MAPK8IP3: variants seen among roughly 807,000 people sequenced by gnomAD.
MAPK8IP3 encodes C-Jun-amino-terminal kinase-interacting protein 3.
A neutral mutation model predicts 157.8 loss-of-function variants in MAPK8IP3; 49 were observed. The observed-to-expected ratio is 0.31, with a 90% CI of 0.25 to 0.39. MAPK8IP3 has a LOEUF of 0.39. Among genes scored for constraint, MAPK8IP3 ranks in the 10% least tolerant of loss-of-function variants. The pLI, the probability that MAPK8IP3 is intolerant of heterozygous loss-of-function variation, is 1.00. For missense variants in MAPK8IP3, 1,478 were observed against 1,889.4 expected, an observed-to-expected ratio of 0.78 and a Z score of 4.04; for synonymous variants, 897 against 777.7, an observed-to-expected ratio of 1.15 and a Z score of -2.55.
In MAPK8IP3 at chr16:1,763,679, C is replaced by G; in HGVS notation, c.1921C>G (p.Arg641Gly). ...CAGCGACTGCACGTCCTCCGCCCGT[C>G]GAGAGCAGAAGCGCGAGCAGTACCG... ...PDDDCTSSAR[R>G]EQKREQYRQV... is the part of the protein sequence containing the mutation. Residue 641 changes from arginine (R) to glycine (G), a missense_variant, in exon 17 of 32, where the codon CGA (arginine) becomes GGA (glycine). Physicochemically the swap from Arg to Gly is moderately radical, Grantham distance 125. Coordinates refer to ENST00000610761, the MANE Select transcript of MAPK8IP3 (RefSeq NM_001318852.2). The G allele has an allele frequency of 6.3e-7, 1 of 1,586,954 alleles. No individual in the cohort carries two copies. The highest frequency in any genetic ancestry group is 8.6e-7 in the Non-Finnish European group (1 of 1,164,598).
chr16:1,760,744 C>T (rs2041884158), intron 12 of MAPK8IP3, among the ~76,000 whole-genome samples: 1 of 152,240 alleles, frequency 6.6e-6, no homozygotes, highest in African/African-American at 2.4e-5. Context: ...GGGCCTGTCT[C>T]ACGCGTTCCT....
chr16:1,737,939 C>T (rs111163754), intron 4 of MAPK8IP3, among the ~76,000 whole-genome samples: 31 of 33,682 alleles, frequency 9.2e-4, no homozygotes, highest in Middle Eastern at 0.019. Context: ...TGTGAGCATC[C>T]GTGTGACTGT....
At chr16:1,715,503 G>A (rs1030578079) in intron 1 of MAPK8IP3, among the ~76,000 whole-genome samples, 2 of 152,162 alleles carry the variant, frequency 1.3e-5, no homozygotes, top group South Asian at 4.1e-4. Context: ...TGCCAGGCAC[G>A]TGCCCGGCAC....
intron 8 of MAPK8IP3, among the ~76,000 whole-genome samples, chr16:1,753,444 TA>T (rs1349640932): frequency 6.3e-5 from 9 of 142,158 alleles, no homozygotes; most frequent in South Asian, 2.5e-4. Flanking sequence ...TTTATTTATT[TA>T]TTTATTTATT....
chr16:1,725,739 C>A (rs1217802437), intron 2 of MAPK8IP3, among the ~76,000 whole-genome samples: 1 of 151,996 alleles, frequency 6.6e-6, no homozygotes, highest in Non-Finnish European at 1.5e-5. Context: ...CTGTTTTTGC[C>A]CAGGCTGGAG....
At position 1,750,834 on chromosome 16, in the gene MAPK8IP3, T is replaced by C. The variant is rs12933426; in HGVS notation, c.1216+2114T>C. On this transcript the variant is annotated intron_variant, in intron 8 of 31. Coordinates refer to ENST00000610761, the MANE Select transcript of MAPK8IP3 (RefSeq NM_001318852.2). ...GTAATTTTTGTATTTTTAGTAGAGATGGGGTTTCACAGTGTTGGTCAGGCT... is the reference window on the plus strand; with the variant it reads ...GTAATTTTTGTATTTTTAGTAGAGACGGGGTTTCACAGTGTTGGTCAGGCT... Among the ~76,000 whole-genome samples, 194 of 151,946 alleles carry C rather than the reference T, an allele frequency of 1.3e-3. 1 individual carries two copies. Among genetic ancestry groups the C allele is most frequent in the African/African-American group, 4.4e-3 (183 of 41,488 alleles).
At chr16:1,767,466 G>A in intron 26 of MAPK8IP3, 98 bp from the exon 27 acceptor site, 1 of 1,519,884 alleles carries the variant, frequency 6.6e-7, no homozygotes. Context: ...TGGGAGGTCT[G>A]AGGGGACTGC....
rs1346992093 is a variant in MAPK8IP3, at chr16:1,767,742, G to A, written c.3409+7G>A. The A allele has an allele frequency of 3.7e-6, 6 of 1,612,326 alleles. No individual in the cohort carries two copies. The South Asian group carries it at 4.4e-5, about 12-fold the overall frequency. Reference sequence around the variant, plus strand: ...TACGTCAGCAAGATGCTAGGTGAGGGGCCACGCCAGATGGGGTGGTGGGGT... The same window carrying A: ...TACGTCAGCAAGATGCTAGGTGAGGAGCCACGCCAGATGGGGTGGTGGGGT... On this transcript the variant is annotated splice_region_variant and intron_variant, in intron 27 of 31. Coordinates refer to ENST00000610761, the MANE Select transcript of MAPK8IP3 (RefSeq NM_001318852.2).
At chr16:1,732,291 C>T (rs2039367614) in intron 4 of MAPK8IP3, among the ~76,000 whole-genome samples, 1 of 152,204 alleles carries the variant, frequency 6.6e-6, no homozygotes, top group Admixed American at 6.5e-5. Context: ...GCTGCGATGG[C>T]AAAAGCCTCC....
intron 1 of MAPK8IP3, among the ~76,000 whole-genome samples, chr16:1,719,098 C>G (rs1377536399): frequency 2.0e-5 from 3 of 152,172 alleles, no homozygotes; most frequent in Non-Finnish European, 4.4e-5. Context: ...CTCAGCCTCC[C>G]AAGTAGCTGG....
intron 10 of MAPK8IP3, 83 bp downstream of exon 10, chr16:1,759,078 T>C: frequency 6.4e-7 from 1 of 1,573,034 alleles, no homozygotes; most frequent in East Asian, 2.2e-5. Flanking sequence ...TGCTTTGTTC[T>C]GCATGATGGG....
At chr16:1,734,418 G>A (rs1244574366) in intron 4 of MAPK8IP3, among the ~76,000 whole-genome samples, 3 of 152,224 alleles carry the variant, frequency 2.0e-5, no homozygotes, top group Non-Finnish European at 2.9e-5. Context: ...CTCCGGGCTC[G>A]TGTGTCCCCT....
chr16:1,722,586 T>G (rs2038599650), intron 1 of MAPK8IP3, among the ~76,000 whole-genome samples: 1 of 151,982 alleles, frequency 6.6e-6, no homozygotes, highest in East Asian at 1.9e-4. Flanking sequence ...CAGCTGAGGC[T>G]GGGTGCAGTC....
chr16:1,759,900 C>A (rs1015383472), intron 10 of MAPK8IP3, 58 bp from the exon 11 acceptor site: 5 of 1,462,156 alleles, frequency 3.4e-6, no homozygotes, highest in Non-Finnish European at 3.8e-6. Context: ...GCAGGTGCGG[C>A]GGCATCAGTG....
In MAPK8IP3 at chr16:1,764,317, G is replaced by A. The variant is rs752815907; in HGVS notation, c.2138G>A (p.Gly713Asp). Reference protein sequence around the residue: ...DPTMKLWCAAGVNLSGWRPNE... With the variant: ...DPTMKLWCAADVNLSGWRPNE... ...CCCTTGCAGCTGTGGTGTGCCGCGG[G>A]CGTCAACCTGAGCGGGTGGAGGCCC... Residue 713 changes from glycine (G) to aspartate (D), a missense_variant, in exon 19 of 32, where the codon GGC becomes GAC. By Grantham distance (94) the Gly-to-Asp change is moderately conservative. Around this residue, in one of 11 missense-constraint regions of MAPK8IP3, gnomAD observed 669 missense variants for 759.8 expected, o/e 0.88. Transcript: ENST00000610761. The A allele has an allele frequency of 5.7e-6, 9 of 1,576,284 alleles. No individual in the cohort carries two copies. The highest frequency in any genetic ancestry group is 7.7e-6 in the Non-Finnish European group (9 of 1,162,208).
At chr16:1,734,539 T>C (rs2039533698) in intron 4 of MAPK8IP3, among the ~76,000 whole-genome samples, 2 of 152,200 alleles carry the variant, frequency 1.3e-5, no homozygotes, top group African/African-American at 4.8e-5. Context: ...TCTGAAGGCA[T>C]GAGCCAGCTA....
At chr16:1,736,786 G>A in intron 4 of MAPK8IP3, among the ~76,000 whole-genome samples, 1 of 77,686 alleles carries the variant, frequency 1.3e-5, no homozygotes, top group Non-Finnish European at 2.4e-5. Flanking sequence ...GACCATCCGT[G>A]TGTGACCGTC....
Position 1,750,665 on chromosome 16 carries a change from G to A in MAPK8IP3, c.1216+1945G>A, listed in dbSNP as rs758721797. Among the ~76,000 whole-genome samples, 251 of 147,694 alleles carry A rather than the reference G, an allele frequency of 1.7e-3. 4 individuals are homozygous for A. Among genetic ancestry groups the A allele is most frequent in the Non-Finnish European group, 7.3e-4 (49 of 67,272 alleles). Reference sequence around the variant, plus strand: ...CTATAATGATTTTTTTTTTTTTTGAGACGGAGTCCCACTTTGTGGGCCAGG... The same window carrying A: ...CTATAATGATTTTTTTTTTTTTTGAAACGGAGTCCCACTTTGTGGGCCAGG... On this transcript the variant is annotated intron_variant, in intron 8 of 31. Coordinates refer to ENST00000610761, the MANE Select transcript of MAPK8IP3 (RefSeq NM_001318852.2).
chr16:1,757,574 G>A (rs1162606181), intron 8 of MAPK8IP3, among the ~76,000 whole-genome samples: 2 of 152,086 alleles, frequency 1.3e-5, no homozygotes, highest in Non-Finnish European at 2.9e-5. Flanking sequence ...CCCGCCCCAC[G>A]CTCCCCAGCC....
Sources: gnomAD v4.1 joint callset for allele counts (sites outside exome capture counted in the v4.1 genomes callset) on GRCh38, gnomAD v4.1.1 for gene constraint, gnomAD v4.1.1 regional missense constraint, MANE v1.5 for transcripts, NCBI Gene and HGNC (gene_info 2026-07-23, HGNC 2026-07-21) for gene names.